VWA3B: variants seen among roughly 807,000 people sequenced by gnomAD.
VWA3B encodes von Willebrand factor A domain-containing protein 3B.
In VWA3B, 138 loss-of-function variants were observed where a neutral mutation model predicts 158.3. That is an observed-to-expected ratio of 0.87 (90% CI 0.76 to 1.00). The LOEUF is 1.00. Ranked by LOEUF, VWA3B falls within the 50% of genes least tolerant of loss-of-function variation. The pLI is 0.00. For missense variants in VWA3B, 1,555 were observed against 1,565.1 expected (o/e 0.99, Z 0.11); for synonymous variants, 596 against 587.3 (o/e 1.01, Z -0.21).
intron 17 of VWA3B, 21 bp from the exon 18 acceptor site, chr2:98,236,369 C>T: frequency 5.0e-6 from 8 of 1,613,852 alleles, no homozygotes; most frequent in Non-Finnish European, 6.8e-6. Context: ...AAATATACAA[C>T]TGCCACTTCC....
chr2:98,151,758 C>A (rs567887511), intron 7 of VWA3B, among the ~76,000 whole-genome samples: 1 of 152,262 alleles, frequency 6.6e-6, no homozygotes, highest in East Asian at 1.9e-4. Context: ...TTATAAAAAT[C>A]GGAATAATAA....
chr2:98,167,882 A>T (rs1309874179), intron 8 of VWA3B, among the ~76,000 whole-genome samples: 2 of 152,214 alleles, frequency 1.3e-5, no homozygotes, highest in African/African-American at 4.8e-5. Context: ...TGCCTCAGTC[A>T]TGGGGAATAA....
In VWA3B at chr2:98,175,176, T is replaced by C. The variant is rs1679904986; in HGVS notation, c.1115-5840T>C. Among the ~76,000 whole-genome samples, 3 of 152,306 alleles carry C rather than the reference T, an allele frequency of 2.0e-5. No homozygotes were observed. In the South Asian group the frequency reaches 6.2e-4, roughly 32 times the overall value. ...AGGAAAAAAAGCAATCCATAGGAAC[T>C]GTCCATGAGGGAATTGTCCATGAGG... On this transcript the variant is annotated intron_variant, in intron 8 of 27. Coordinates refer to ENST00000477737, the MANE Select transcript of VWA3B (RefSeq NM_144992.5).
chr2:98,135,340 T>TC, intron 7 of VWA3B, among the ~76,000 whole-genome samples: 1 of 130,212 alleles, frequency 7.7e-6, no homozygotes, highest in Non-Finnish European at 1.6e-5. Context: ...TTTTTTTTTT[T>TC]TTTTTTTTTT....
At chr2:98,097,454 G>A (rs1293452840) in intron 2 of VWA3B, among the ~76,000 whole-genome samples, 1 of 152,142 alleles carries the variant, frequency 6.6e-6, no homozygotes, top group Non-Finnish European at 1.5e-5. Context: ...TTATGCCTGA[G>A]TAATATTCCA....
Position 98,228,200 on chromosome 2 carries a change from A to G in VWA3B, c.2020-2A>G, listed in dbSNP as rs1341332893. On this transcript the variant is annotated splice_acceptor_variant, in intron 14 of 27. Coordinates refer to ENST00000477737, the MANE Select transcript of VWA3B (RefSeq NM_144992.5). LOFTEE classifies it high-confidence loss of function. ...TAGCATATTCACTTCTCATTTTGGC[A>G]GAATGAAGATCTGACTCTTTTAGTT... The G allele has an allele frequency of 6.2e-7, 1 of 1,608,712 alleles. No individual in the cohort carries two copies. The highest frequency in any genetic ancestry group is 8.5e-7 in the Non-Finnish European group (1 of 1,178,304).
At position 98,236,388 on chromosome 2, in the gene VWA3B, A is replaced by G. The variant is rs763623359; in HGVS notation, c.2429-2A>G. ...ATACAACTGCCACTTCCCCTTCCAC[A>G]GAAATGAGCATCTTGCTGGCTGAGG... On this transcript the variant is annotated splice_acceptor_variant, in intron 17 of 27. Coordinates refer to ENST00000477737, the MANE Select transcript of VWA3B (RefSeq NM_144992.5). LOFTEE classifies it high-confidence loss of function. The G allele has an allele frequency of 1.2e-6, 2 of 1,614,226 alleles. No homozygotes were observed. The highest frequency in any genetic ancestry group is 4.5e-5 in the East Asian group (2 of 44,890).
At position 98,093,273 on chromosome 2, in the gene VWA3B, T is replaced by C. The variant is rs1682481414; in HGVS notation, c.181T>C (p.Phe61Leu). Residue 61 changes from phenylalanine to leucine, a missense_variant, in exon 2 of 28, where the codon TTC becomes CTC. Transcript: ENST00000477737. Reference sequence around the variant, plus strand: ...GAAACAGATTTTGTCACAGATCGGATTCCCACATTGTGAAGGTACAGTACT... The same window carrying C: ...GAAACAGATTTTGTCACAGATCGGACTCCCACATTGTGAAGGTACAGTACT... ...TLKQILSQIG[F>L]PHCEDYVASL... is the part of the protein sequence containing the mutation. The C allele has an allele frequency of 1.9e-6, 3 of 1,614,088 alleles. No homozygotes were observed. Among genetic ancestry groups the C allele is most frequent in the African/African-American group, 1.3e-5 (1 of 75,024 alleles).
intron 7 of VWA3B, among the ~76,000 whole-genome samples, chr2:98,151,596 C>T (rs1313641543): frequency 1.3e-5 from 2 of 152,120 alleles, no homozygotes; most frequent in Non-Finnish European, 2.9e-5. Context: ...GTTTGATGAA[C>T]AGTTGTGATT....
chr2:98,188,014 A>T lies in VWA3B; in HGVS notation c.1351A>T (p.Arg451Trp). 6.2e-7 allele frequency: 1 copy of T among 1,613,894 alleles called. No individual in the cohort carries two copies. Among genetic ancestry groups the T allele is most frequent in the Non-Finnish European group, 8.5e-7 (1 of 1,179,954 alleles). Reference sequence around the variant, plus strand: ...GACAGTCCATGCAAAATATTGCAGCAGGTTTGTCCATGCTCCCTGGAAGGA... The same window carrying T: ...GACAGTCCATGCAAAATATTGCAGCTGGTTTGTCCATGCTCCCTGGAAGGA... ...KKTVHAKYCS[R>W]FVHAPWKDGS... The change falls in exon 10 of 28, where the codon AGG becomes TGG. Residue 451 changes from arginine to tryptophan, a missense_variant. By Grantham distance (101) the Arg-to-Trp change is moderately radical. Coordinates refer to ENST00000477737, the MANE Select transcript of VWA3B (RefSeq NM_144992.5).
At chr2:98,155,509 C>T (rs1677991883) in intron 7 of VWA3B, among the ~76,000 whole-genome samples, 1 of 152,114 alleles carries the variant, frequency 6.6e-6, no homozygotes, top group African/African-American at 2.4e-5. Context: ...CTCTGAGCCT[C>T]GGTGTGCTCA....
chr2:98,128,492 G>C (rs937727119), intron 6 of VWA3B, 84 bp downstream of exon 6: 13 of 1,432,952 alleles, frequency 9.1e-6, no homozygotes, highest in Non-Finnish European at 1.2e-5. Flanking sequence ...ATTCTTCGTG[G>C]CTTTAACCAA....
intron 19 of VWA3B, among the ~76,000 whole-genome samples, chr2:98,239,113 T>C (rs566904921): frequency 6.6e-6 from 1 of 152,294 alleles, no homozygotes; most frequent in South Asian, 2.1e-4. Flanking sequence ...GCATCCTTAG[T>C]GTAAAATGTT....
intron 7 of VWA3B, among the ~76,000 whole-genome samples, chr2:98,138,758 A>G (rs1425288808): frequency 1.3e-5 from 2 of 152,190 alleles, no homozygotes; most frequent in Non-Finnish European, 2.9e-5. Flanking sequence ...CAGGGCCCCA[A>G]AAGCTGAGTG....
chr2:98,195,671 ATAT>A (rs1284780066), intron 12 of VWA3B, among the ~76,000 whole-genome samples: 1 of 152,140 alleles, frequency 6.6e-6, no homozygotes, highest in Non-Finnish European at 1.5e-5. Context: ...TGATAACAAG[ATAT>A]TATATATATA....
intron 21 of VWA3B, among the ~76,000 whole-genome samples, chr2:98,265,871 G>A (rs1199416874): frequency 1.3e-4 from 15 of 113,230 alleles, no homozygotes; most frequent in Admixed American, 3.5e-4. Context: ...CATGTCCTTC[G>A]CCCACTTTTT....
rs1404873159 is a variant in VWA3B, at chr2:98,219,770, A to C, written c.2019+1742A>C. On this transcript the variant is annotated intron_variant, in intron 14 of 27. Transcript: ENST00000477737. ...TCAGAAATAATGCAAGTGAGGAGAC[A>C]GTGGAGAAACATGTTTAAAATACTG... Among the ~76,000 whole-genome samples, 3 of 152,238 alleles carry C rather than the reference A, an allele frequency of 2.0e-5. No homozygotes were observed. The East Asian group carries it at 5.8e-4, about 29-fold the overall frequency.
chr2:98,207,246 G>A (rs925050932), intron 12 of VWA3B: 31 of 517,004 alleles, frequency 6.0e-5, no homozygotes, highest in Middle Eastern at 5.6e-4. Context: ...CTGATGACTC[G>A]ACTGCCTCTG....
chr2:98,212,361 A>G (rs1335951767), intron 13 of VWA3B, among the ~76,000 whole-genome samples: 1 of 151,964 alleles, frequency 6.6e-6, no homozygotes, highest in African/African-American at 2.4e-5. Context: ...ATTCTTTTTG[A>G]TTTTTTTTCC....
Sources: allele counts gnomAD v4.1 joint callset (sites outside exome capture counted in the v4.1 genomes callset), GRCh38; gene constraint gnomAD v4.1.1; transcripts MANE v1.5; gene names NCBI Gene and HGNC (gene_info 2026-07-23, HGNC 2026-07-21).